OLFM2: variants seen among roughly 807,000 people sequenced by gnomAD.
OLFM2 encodes noelin-2.
A neutral mutation model predicts 43.9 loss-of-function variants in OLFM2; 20 were observed. The ratio of observed to expected loss-of-function variants is 0.46; its 90% CI spans 0.32 to 0.66. The LOEUF (loss-of-function observed/expected upper bound fraction) is 0.66, where lower values mean the gene tolerates loss of function less well. OLFM2 is among the 30% of genes least tolerant of loss of function. The pLI is 0.04. For synonymous variants in OLFM2, 268 were observed against 278.6 expected, an observed-to-expected ratio of 0.96 and a Z score of 0.38; for missense variants, 416 against 643.6, an observed-to-expected ratio of 0.65 and a Z score of 3.83.
In OLFM2 at chr19:9,857,289, C is replaced by T. The variant is rs1022071307; in HGVS notation, c.554G>A (p.Arg185Gln). 23 of 1,613,970 alleles carry T rather than the reference C, an allele frequency of 1.4e-5. No individual in the cohort carries two copies. In the Admixed American group the frequency reaches 2.0e-4, roughly 14 times the overall value. Reference sequence around the variant, plus strand: ...CAGCTTCTGGGCGCAGGCGTGGAGCCGGGCCTCCAGGGCCATCACCCGTTG... The same window carrying T: ...CAGCTTCTGGGCGCAGGCGTGGAGCTGGGCCTCCAGGGCCATCACCCGTTG... Reference protein sequence around the residue: ...LQQRVMALEARLHACAQKLGC... With the variant: ...LQQRVMALEAQLHACAQKLGC... Residue 185 changes from arginine to glutamine, a missense_variant, in exon 4 of 6, where the codon CGG (arginine) becomes CAG (glutamine). Physicochemically the swap from Arg to Gln is conservative, Grantham distance 43. Coordinates refer to ENST00000264833, the MANE Select transcript of OLFM2 (RefSeq NM_058164.4). The surrounding 1 kb of genome is among the most constrained non-coding windows in gnomAD (Gnocchi z 5.7).
intron 1 of OLFM2, among the ~76,000 whole-genome samples, chr19:9,875,801 C>T (rs2046482726): frequency 6.6e-6 from 1 of 152,098 alleles, no homozygotes; most frequent in Non-Finnish European, 1.5e-5. Flanking sequence ...AGCCACTGCA[C>T]CTGGCCTGAA....
intron 1 of OLFM2, among the ~76,000 whole-genome samples, chr19:9,895,606 G>C (rs1487722958): frequency 3.9e-5 from 6 of 151,952 alleles, no homozygotes; most frequent in Admixed American, 3.3e-4. Flanking sequence ...CTCTACACAT[G>C]GGAGCTTCTG....
At position 9,854,411 on chromosome 19, in the gene OLFM2, G is replaced by A; in HGVS notation, c.1140C>T (p.Leu380=). 6.2e-7 allele frequency: 1 copy of A among 1,614,202 alleles called. No individual in the cohort carries two copies. The highest frequency in any genetic ancestry group is 1.1e-5 in the South Asian group (1 of 91,084). ...CAGCCAGGTGGGAGTTGGTCACGTA[G>A]AGCACACCGCAGATCATGAAGGCCT... ...AGEAFMICGV[L]YVTNSHLAGA... Residue 380 remains leucine (L), a synonymous_variant, in exon 6 of 6, where the codon CTC becomes CTT. Transcript: ENST00000264833. This position sits in a 1 kb window ranked among gnomAD's most constrained non-coding sequence, Gnocchi z 9.5.
At chr19:9,903,464 G>A (rs552763650) in intron 1 of OLFM2, among the ~76,000 whole-genome samples, 1 of 152,128 alleles carries the variant, frequency 6.6e-6, no homozygotes, top group Non-Finnish European at 1.5e-5. Flanking sequence ...GCCCTTCCAT[G>A]ATTAACTCTC....
intron 1 of OLFM2, among the ~76,000 whole-genome samples, chr19:9,909,555 AC>A (rs556830584): frequency 7.2e-6 from 1 of 139,252 alleles, no homozygotes. Flanking sequence ...GAGAAGCAGG[AC>A]CCCCAAGGCT....
At chr19:9,909,481 C>G (rs1410090212) in intron 1 of OLFM2, among the ~76,000 whole-genome samples, 1 of 152,070 alleles carries the variant, frequency 6.6e-6, no homozygotes, top group Admixed American at 6.6e-5. Context: ...CACGTCTTCC[C>G]AGAGATGGTC....
intron 1 of OLFM2, among the ~76,000 whole-genome samples, chr19:9,917,744 C>G (rs2086393628): frequency 8.6e-6 from 1 of 116,070 alleles, no homozygotes; most frequent in Non-Finnish European, 1.8e-5. Flanking sequence ...TTTCCCCTCT[C>G]TGAAACACGT....
intron 1 of OLFM2, among the ~76,000 whole-genome samples, chr19:9,880,061 G>A: frequency 6.6e-6 from 1 of 152,234 alleles, no homozygotes; most frequent in East Asian, 1.9e-4. Context: ...ACAGGCATAA[G>A]CCACTGGGCC....
intron 2 of OLFM2, among the ~76,000 whole-genome samples, chr19:9,859,607 C>T (rs968525274): frequency 2.0e-5 from 3 of 152,146 alleles, no homozygotes; most frequent in Admixed American, 6.5e-5. Context: ...GGACTATTTT[C>T]TCTTGACCAT....
chr19:9,930,964 C>T (rs578087676), intron 1 of OLFM2, among the ~76,000 whole-genome samples: 5 of 152,280 alleles, frequency 3.3e-5, no homozygotes, highest in African/African-American at 1.2e-4. Flanking sequence ...CGCACGCGCC[C>T]ACGCACAGGT....
At chr19:9,913,446 G>GC (rs1445916728) in intron 1 of OLFM2, 38 of 1,023,686 alleles carry the variant, frequency 3.7e-5, no homozygotes, top group Non-Finnish European at 4.2e-5. Context: ...CGGGTACCAC[G>GC]CCCCCCGGGA....
At chr19:9,908,368 G>A (rs988619648) in intron 1 of OLFM2, among the ~76,000 whole-genome samples, 1 of 150,830 alleles carries the variant, frequency 6.6e-6, no homozygotes, top group African/African-American at 2.4e-5. Flanking sequence ...GTGCAATGGC[G>A]CGATCTCGGC....
chr19:9,915,654 A>T (rs1234958577), intron 1 of OLFM2, among the ~76,000 whole-genome samples: 2 of 151,952 alleles, frequency 1.3e-5, no homozygotes, highest in Admixed American at 1.3e-4. Flanking sequence ...AGTAGCTGGG[A>T]CTACAGGCAC....
intron 1 of OLFM2, among the ~76,000 whole-genome samples, chr19:9,919,816 A>C (rs1326275241): frequency 9.2e-6 from 1 of 108,178 alleles, no homozygotes; most frequent in East Asian, 2.7e-4. Context: ...TTTTTTTGAG[A>C]CAGAGTCTTG....
At chr19:9,931,584 C>T (rs2086482010) in intron 1 of OLFM2, among the ~76,000 whole-genome samples, 1 of 151,830 alleles carries the variant, frequency 6.6e-6, no homozygotes, top group Admixed American at 6.6e-5. Context: ...CCCTGTAGTC[C>T]CAGCTACTCG....
Position 9,857,129 on chromosome 19 carries a change from G to C in OLFM2, c.580+134C>G. ...GCTTCTGGACTCAAGTGTAGCCTTA[G>C]GTAGGAAGGTCAAGGGTTGAGGTTT... is the stretch of plus-strand genomic sequence containing the variant. On this transcript the variant is annotated intron_variant, in intron 4 of 5. Coordinates refer to ENST00000264833, the MANE Select transcript of OLFM2 (RefSeq NM_058164.4). The surrounding 1 kb of genome is among the most constrained non-coding windows in gnomAD (Gnocchi z 5.7). 1.1e-6 allele frequency: 1 copy of C among 935,026 alleles called. No individual in the cohort carries two copies. Among genetic ancestry groups the C allele is most frequent in the Admixed American group, 2.0e-5 (1 of 49,892 alleles). The allele number at this position is 935,026 out of a possible 1,614,324, so 57.9% of individuals were successfully genotyped here.
At chr19:9,881,842 G>A (rs985751710) in intron 1 of OLFM2, among the ~76,000 whole-genome samples, 34 of 152,040 alleles carry the variant, frequency 2.2e-4, no homozygotes, top group African/African-American at 8.0e-4. Context: ...TTGGATTAGG[G>A]CCCATTCCAA....
chr19:9,925,943 T>C (rs756592003), intron 1 of OLFM2, among the ~76,000 whole-genome samples: 7 of 150,812 alleles, frequency 4.6e-5, no homozygotes, highest in Non-Finnish European at 1.0e-4. Context: ...AAGACCAGCT[T>C]GAGCAAGATG....
chr19:9,854,550 G>C lies in OLFM2; in HGVS notation c.1001C>G (p.Ala334Gly), dbSNP rs1370130133. Residue 334 changes from alanine (A) to glycine (G), a missense_variant, in exon 6 of 6, where the codon GCT becomes GGT. Coordinates refer to ENST00000264833, the MANE Select transcript of OLFM2 (RefSeq NM_058164.4). This position sits in a 1 kb window ranked among gnomAD's most constrained non-coding sequence, Gnocchi z 9.5. ...CGCGTTCTGGTTGGTGGTGTACACA[G>C]CCCAGAGCCCGCTCTCGTCCACCAT... The part of the protein sequence containing the change: ...DFMVDESGLW[A>G]VYTTNQNAGN... The C allele has an allele frequency of 6.2e-7, 1 of 1,613,826 alleles. No individual in the cohort carries two copies. Among genetic ancestry groups the C allele is most frequent in the Non-Finnish European group, 8.5e-7 (1 of 1,180,026 alleles).
Sources: allele counts gnomAD v4.1 joint callset (sites outside exome capture counted in the v4.1 genomes callset), GRCh38; gene constraint gnomAD v4.1.1; non-coding constraint Gnocchi (gnomAD v3.1); transcripts MANE v1.5; gene names NCBI Gene and HGNC (gene_info 2026-07-23, HGNC 2026-07-21).